The following FBXO17 variants were observed in gnomAD, a reference collection of about 807,000 sequenced individuals.
The protein encoded by FBXO17 is F-box protein 17.
A neutral mutation model predicts 34.1 loss-of-function variants in FBXO17; 43 were observed. That is an observed-to-expected ratio of 1.26 (90% CI 0.99 to 1.62). FBXO17 has a LOEUF of 1.62. Ranked by LOEUF, FBXO17 falls within the 40% of genes most tolerant of loss-of-function variation. FBXO17 has a pLI of 0.00. For missense variants in FBXO17, 424 were observed against 386.7 expected, an observed-to-expected ratio of 1.10 and a Z score of -0.81; for synonymous variants, 169 against 166.0, an observed-to-expected ratio of 1.02 and a Z score of -0.14.
intron 2 of FBXO17, 78 bp from the exon 3 acceptor site, chr19:38,948,756 G>T: frequency 8.1e-7 from 1 of 1,235,634 alleles, no homozygotes; most frequent in Non-Finnish European, 1.2e-6. Flanking sequence ...GCCAGCTTGT[G>T]CTGTCCACCA....
chr19:38,956,325 G>T (rs1457317764), intron 1 of FBXO17, among the ~76,000 whole-genome samples: 2 of 151,418 alleles, frequency 1.3e-5, no homozygotes. Context: ...CTACTTGCCT[G>T]ACACAGGCTT....
intron 1 of FBXO17, among the ~76,000 whole-genome samples, chr19:38,963,709 T>C (rs963053984): frequency 6.6e-6 from 1 of 152,180 alleles, no homozygotes; most frequent in African/African-American, 2.4e-5. Flanking sequence ...ATTTGGGTTG[T>C]TTCCAGCTTA....
intron 5 of FBXO17, among the ~76,000 whole-genome samples, chr19:38,944,217 C>T (rs1332548726): frequency 6.6e-6 from 1 of 151,240 alleles, no homozygotes; most frequent in Non-Finnish European, 1.5e-5. Flanking sequence ...GAGATGTAGC[C>T]ACAGGAGCAT....
At chr19:38,949,925 T>C in intron 2 of FBXO17, 46 bp downstream of exon 2, 5 of 1,245,786 alleles carry the variant, frequency 4.0e-6, no homozygotes, top group Admixed American at 2.8e-5. Context: ...CCCGCCTCGC[T>C]CGCGCGGCCC....
At chr19:38,962,053 T>C (rs941087245) in intron 1 of FBXO17, among the ~76,000 whole-genome samples, 2 of 148,906 alleles carry the variant, frequency 1.3e-5, no homozygotes, top group Non-Finnish European at 3.0e-5. Context: ...TACGACCTCA[T>C]TGTTCTAAGC....
intron 1 of FBXO17, among the ~76,000 whole-genome samples, chr19:38,967,113 G>A (rs1369112772): frequency 2.0e-5 from 3 of 152,286 alleles, no homozygotes; most frequent in East Asian, 3.8e-4. Flanking sequence ...AAGCACTTGT[G>A]TATAGAATAT....
chr19:38,972,929 T>A (rs182358105), intron 1 of FBXO17, among the ~76,000 whole-genome samples: 11 of 152,136 alleles, frequency 7.2e-5, no homozygotes, highest in Admixed American at 2.6e-4. Context: ...CCTGCTAAAT[T>A]TTTATTTTTG....
intron 1 of FBXO17, among the ~76,000 whole-genome samples, chr19:38,973,102 T>C (rs144110795): frequency 9.2e-5 from 14 of 152,202 alleles, no homozygotes; most frequent in Non-Finnish European, 2.1e-4. Flanking sequence ...TGGCCAGGCG[T>C]GGTGGCTCAC....
At chr19:38,952,600 A>G (rs1685593871) in intron 1 of FBXO17, 1 of 534,286 alleles carries the variant, frequency 1.9e-6, no homozygotes, top group African/African-American at 1.9e-5. Context: ...CTGCTGACCC[A>G]GATCATGACT....
chr19:38,946,515 C>T lies in FBXO17; in HGVS notation c.514G>A (p.Glu172Lys), dbSNP rs761838777. 1.9e-6 allele frequency: 3 copies of T among 1,613,938 alleles called. No homozygotes were observed. Among genetic ancestry groups the T allele is most frequent in the African/African-American group, 1.3e-5 (1 of 74,906 alleles). Residue 172 changes from glutamate to lysine, a missense_variant, in exon 4 of 6, where the codon GAG becomes AAG. Transcript: ENST00000292852. ...VDLVMEGVWQ[E>K]LLDSAQIEIC... ...TCAATCTGGGCGCTGTCCAGCAGCT[C>T]CTGCCACACCCCTTCCATCACCAGG...
intron 1 of FBXO17, among the ~76,000 whole-genome samples, chr19:38,956,142 T>C (rs997412535): frequency 1.3e-5 from 2 of 151,832 alleles, no homozygotes; most frequent in African/African-American, 4.8e-5. Context: ...GGTGGGCACC[T>C]GTAATCCCAG....
At chr19:38,968,497 A>AAAAG (rs1388262485) in intron 1 of FBXO17, among the ~76,000 whole-genome samples, 1 of 151,956 alleles carries the variant, frequency 6.6e-6, no homozygotes, top group African/African-American at 2.4e-5. Context: ...AAAAAAAAAA[A>AAAAG]AAAATTAAAA....
chr19:38,954,332 C>T (rs888145651), intron 1 of FBXO17, among the ~76,000 whole-genome samples: 2 of 152,034 alleles, frequency 1.3e-5, no homozygotes, highest in Admixed American at 6.6e-5. Flanking sequence ...TGCAGTGGCG[C>T]GATTTCAGCT....
chr19:38,964,439 G>A (rs1975294079), intron 1 of FBXO17, among the ~76,000 whole-genome samples: 2 of 151,572 alleles, frequency 1.3e-5, no homozygotes, highest in Non-Finnish European at 1.5e-5. Context: ...AGGTTCAAGC[G>A]ATTCTCCTGC....
At chr19:38,960,854 T>C (rs1319920798) in intron 1 of FBXO17, among the ~76,000 whole-genome samples, 1 of 150,362 alleles carries the variant, frequency 6.7e-6, no homozygotes, top group Non-Finnish European at 1.5e-5. Flanking sequence ...TCGCCCAGGC[T>C]GGAGTGCAAC....
chr19:38,972,842 C>T (rs1403716701), intron 1 of FBXO17, among the ~76,000 whole-genome samples: 1 of 152,070 alleles, frequency 6.6e-6, no homozygotes, highest in Non-Finnish European at 1.5e-5. Flanking sequence ...TCACTGCAAG[C>T]TCCACCTCCT....
At chr19:38,954,941 TTA>T (rs1424182847) in intron 1 of FBXO17, among the ~76,000 whole-genome samples, 6 of 122,888 alleles carry the variant, frequency 4.9e-5, no homozygotes, top group East Asian at 2.4e-4. Context: ...ATTATTATTA[TTA>T]TTTTTGAGAC....
chr19:38,962,106 TA>T (rs71167604), intron 1 of FBXO17, among the ~76,000 whole-genome samples: 31,587 of 92,474 alleles, frequency 0.34, 3,983 homozygotes, highest in African/African-American at 0.48. Context: ...GGGACGCTGT[TA>T]AAAAAAAAAA....
intron 1 of FBXO17, among the ~76,000 whole-genome samples, chr19:38,958,406 C>CAAAA (rs61007658): frequency 4.1e-5 from 4 of 98,728 alleles, no homozygotes; most frequent in East Asian, 2.9e-4. Context: ...GAAACTGTCT[C>CAAAA]AAAAAAAAAA....
Sources: gnomAD v4.1 joint callset for allele counts (sites outside exome capture counted in the v4.1 genomes callset) on GRCh38, gnomAD v4.1.1 for gene constraint, MANE v1.5 for transcripts, NCBI Gene and HGNC (gene_info 2026-07-23, HGNC 2026-07-21) for gene names.